The following STAB2 variants were observed in gnomAD, a reference collection of about 807,000 sequenced individuals.
STAB2 encodes stabilin 2.
Under a neutral mutation model 338.1 loss-of-function variants are expected in STAB2, and 288 were observed. That is an observed-to-expected ratio of 0.85 (90% CI 0.77 to 0.94). The LOEUF is 0.94. STAB2 is among the 40% of genes least tolerant of loss of function. The pLI, the probability that STAB2 is intolerant of heterozygous loss-of-function variation, is 0.00. For missense variants in STAB2, 3,141 were observed against 3,210.1 expected, an observed-to-expected ratio of 0.98 and a Z score of 0.52; for synonymous variants, 1,202 against 1,193.3, an observed-to-expected ratio of 1.01 and a Z score of -0.15.
At chr12:103,602,602 G>A (rs761021973) in intron 3 of STAB2, among the ~76,000 whole-genome samples, 1 of 152,202 alleles carries the variant, frequency 6.6e-6, no homozygotes, top group Admixed American at 6.5e-5. Flanking sequence ...TGTATGAGGA[G>A]TCCAGTTGTT....
At chr12:103,702,431 T>TG (rs1878976209) in intron 34 of STAB2, among the ~76,000 whole-genome samples, 1 of 152,080 alleles carries the variant, frequency 6.6e-6, no homozygotes, top group South Asian at 2.1e-4. Flanking sequence ...CCCGAGTAGC[T>TG]GGGACTACAG....
intron 47 of STAB2, among the ~76,000 whole-genome samples, chr12:103,727,793 T>A (rs1262614277): frequency 6.6e-6 from 1 of 152,200 alleles, no homozygotes; most frequent in Non-Finnish European, 1.5e-5. Context: ...TAACATTTAC[T>A]GTGAGTGTCC....
chr12:103,751,687 T>G (rs1197919964), intron 60 of STAB2, among the ~76,000 whole-genome samples: 2 of 152,192 alleles, frequency 1.3e-5, no homozygotes, highest in Admixed American at 1.3e-4. Context: ...AAGAAGAGCT[T>G]GGCTTTTTCT....
chr12:103,659,272 C>G (rs1874422421), intron 15 of STAB2, among the ~76,000 whole-genome samples: 1 of 152,230 alleles, frequency 6.6e-6, no homozygotes, highest in African/African-American at 2.4e-5. Flanking sequence ...TTGTACCAGA[C>G]AAGCCAGGAT....
intron 45 of STAB2, among the ~76,000 whole-genome samples, chr12:103,725,640 G>T (rs1221694071): frequency 2.0e-5 from 3 of 151,880 alleles, no homozygotes; most frequent in Non-Finnish European, 2.9e-5. Flanking sequence ...GTGCATATGT[G>T]CATGTGTGTA....
At chr12:103,727,178 C>A in intron 46 of STAB2, 89 bp from the exon 47 acceptor site, 1 of 1,366,954 alleles carries the variant, frequency 7.3e-7, no homozygotes, top group Non-Finnish European at 1.0e-6. Context: ...TTGCTTCACC[C>A]AGGTGCCATC....
intron 27 of STAB2, among the ~76,000 whole-genome samples, chr12:103,686,349 G>C (rs1877430933): frequency 6.6e-6 from 1 of 152,068 alleles, no homozygotes; most frequent in African/African-American, 2.4e-5. Context: ...TGCAGACCAT[G>C]GCACATAAAT....
intron 27 of STAB2, among the ~76,000 whole-genome samples, chr12:103,685,809 TGAGG>T (rs1279299237): frequency 3.9e-5 from 6 of 152,330 alleles, no homozygotes; most frequent in Non-Finnish European, 8.8e-5. Flanking sequence ...TTTAATTTAT[TGAGG>T]TAAAATATAC....
rs939813989 is a variant in STAB2 at position 103,620,622 on chromosome 12, T to A, written c.417+69T>A. Reference sequence around the variant, plus strand: ...CATCTTCTTACCTGTTGATCCTCCTTAAACACACACACACACACACACACA... The same window carrying A: ...CATCTTCTTACCTGTTGATCCTCCTAAAACACACACACACACACACACACA... On this transcript the variant is annotated intron_variant, in intron 4 of 68. Coordinates refer to ENST00000388887, the MANE Select transcript of STAB2 (RefSeq NM_017564.10). The A allele has an allele frequency of 1.4e-5, 15 of 1,104,654 alleles. No individual in the cohort carries two copies. The African/African-American group carries it at 2.9e-4, about 21-fold the overall frequency. 68.4% of individuals were successfully genotyped at this position (1,104,654 alleles called of 1,614,324 possible).
At chr12:103,730,713 G>T (rs1230530728) in intron 49 of STAB2, among the ~76,000 whole-genome samples, 1 of 152,166 alleles carries the variant, frequency 6.6e-6, no homozygotes, top group Non-Finnish European at 1.5e-5. Context: ...TAATTCGGAT[G>T]CTACACAGCT....
At chr12:103,692,786 C>T (rs767430712) in intron 30 of STAB2, 26 bp from the exon 31 acceptor site, 1 of 1,599,622 alleles carries the variant, frequency 6.3e-7, no homozygotes, top group Admixed American at 1.7e-5. Context: ...AAAGACTCAT[C>T]TTCCCACTGT....
intron 34 of STAB2, among the ~76,000 whole-genome samples, chr12:103,701,512 TA>T (rs769226128): frequency 6.6e-6 from 1 of 152,156 alleles, no homozygotes; most frequent in Admixed American, 6.5e-5. Context: ...TCTAAATGAG[TA>T]GACACAGTCA....
intron 3 of STAB2, among the ~76,000 whole-genome samples, chr12:103,618,883 G>T (rs769712906): frequency 8.5e-5 from 13 of 152,152 alleles, no homozygotes; most frequent in Non-Finnish European, 1.8e-4. Flanking sequence ...AGGGACCCAG[G>T]GGGAGGTAAT....
intron 13 of STAB2, among the ~76,000 whole-genome samples, 161 bp from the exon 14 acceptor site, chr12:103,655,090 G>A (rs1022266175): frequency 5.3e-5 from 8 of 152,170 alleles, no homozygotes; most frequent in South Asian, 4.1e-4. Flanking sequence ...CTGTTTCAAC[G>A]ACAGCGAACA....
At chr12:103,604,140 G>C (rs1261749808) in intron 3 of STAB2, among the ~76,000 whole-genome samples, 1 of 152,062 alleles carries the variant, frequency 6.6e-6, no homozygotes, top group Non-Finnish European at 1.5e-5. Flanking sequence ...AGACAATAAT[G>C]TTGTCTGTGA....
intron 68 of STAB2, 129 bp downstream of exon 68, chr12:103,763,737 C>T (rs1884711013): frequency 1.1e-6 from 1 of 907,404 alleles, no homozygotes; most frequent in African/African-American, 1.7e-5. Flanking sequence ...AGGTAACAAG[C>T]CTAAAAGCCA....
At position 103,638,051 on chromosome 12, in the gene STAB2, C is replaced by T. The variant is rs778917158; in HGVS notation, c.745C>T (p.His249Tyr). ...NPCLRKICHP[H>Y]AHCTYLGPNR... is the part of the protein sequence containing the mutation. Reference sequence around the variant, plus strand: ...ATGTTTACGAAAAATCTGCCACCCTCATGCTCATTGTACGTACCTGGGACC... The same window carrying T: ...ATGTTTACGAAAAATCTGCCACCCTTATGCTCATTGTACGTACCTGGGACC... The change falls in exon 8 of 69, where the codon CAT (histidine) becomes TAT (tyrosine). Residue 249 changes from histidine to tyrosine, a missense_variant. Physicochemically the swap from His to Tyr is moderately conservative, Grantham distance 83. Transcript: ENST00000388887. 9 of 1,614,140 alleles carry T rather than the reference C, an allele frequency of 5.6e-6. No individual in the cohort carries two copies. The highest frequency in any genetic ancestry group is 3.3e-5 in the South Asian group (3 of 91,052).
In STAB2 at chr12:103,731,648, G is replaced by A; in HGVS notation, c.5283+13G>A. The A allele has an allele frequency of 1.2e-6, 2 of 1,610,248 alleles. No homozygotes were observed. The highest frequency in any genetic ancestry group is 1.7e-6 in the Non-Finnish European group (2 of 1,178,702). On this transcript the variant is annotated intron_variant, in intron 50 of 68. Coordinates refer to ENST00000388887, the MANE Select transcript of STAB2 (RefSeq NM_017564.10). ...CAACTTAATACAGGTAAAAATTTAG[G>A]GGAAGTTGACTCAGAGGATAACCTG...
intron 53 of STAB2, among the ~76,000 whole-genome samples, chr12:103,738,685 A>G (rs1011769696): frequency 5.3e-5 from 8 of 152,330 alleles, no homozygotes; most frequent in African/African-American, 1.9e-4. Flanking sequence ...TTTCCTCATC[A>G]ATCTTCTGAA....
Sources: allele counts gnomAD v4.1 joint callset (sites outside exome capture counted in the v4.1 genomes callset), GRCh38; gene constraint gnomAD v4.1.1; transcripts MANE v1.5; gene names NCBI Gene and HGNC (gene_info 2026-07-23, HGNC 2026-07-21).